FHOD3: variants seen among roughly 807,000 people sequenced by gnomAD.
FHOD3 encodes the protein formin homology 2 domain containing 3.
Under a neutral mutation model 173.0 loss-of-function variants are expected in FHOD3, and 90 were observed. That is an observed-to-expected ratio of 0.52 (90% CI 0.44 to 0.62). The LOEUF is 0.62. Ranked by LOEUF, FHOD3 falls within the 20% of genes least tolerant of loss-of-function variation. The pLI is 0.00. For synonymous variants in FHOD3, 828 were observed against 823.0 expected, an observed-to-expected ratio of 1.01 and a Z score of -0.10; for missense variants, 1,945 against 2,034.7, an observed-to-expected ratio of 0.96 and a Z score of 0.85.
chr18:36,326,923 G>A (rs549470822), intron 1 of FHOD3, among the ~76,000 whole-genome samples: 3 of 152,320 alleles, frequency 2.0e-5, no homozygotes, highest in South Asian at 2.1e-4. Flanking sequence ...TGCACTCTGC[G>A]TTTTCTCAGC....
chr18:36,452,853 T>C (rs2051944185), intron 3 of FHOD3, among the ~76,000 whole-genome samples: 1 of 152,146 alleles, frequency 6.6e-6, no homozygotes, highest in Admixed American at 6.5e-5. Context: ...TATATGTATG[T>C]ATGTATATGT....
chr18:36,664,700 C>T, intron 14 of FHOD3, among the ~76,000 whole-genome samples: 1 of 150,896 alleles, frequency 6.6e-6, no homozygotes, highest in East Asian at 2.0e-4. Flanking sequence ...GCCATGGTTT[C>T]CAGTTGTCAC....
chr18:36,544,608 C>T (rs1354775113), intron 5 of FHOD3: 2 of 152,326 alleles, frequency 1.3e-5, no homozygotes, highest in African/African-American at 4.8e-5. Context: ...GGAGAGGTCG[C>T]CACAGGCTGA....
At chr18:36,362,958 A>C (rs2046708247) in intron 2 of FHOD3, among the ~76,000 whole-genome samples, 1 of 152,254 alleles carries the variant, frequency 6.6e-6, no homozygotes, top group Admixed American at 6.5e-5. Flanking sequence ...ATAAGAAAAC[A>C]ACCTGATTAA....
At chr18:36,613,092 A>G (rs557169148) in intron 9 of FHOD3, among the ~76,000 whole-genome samples, 32 of 152,376 alleles carry the variant, frequency 2.1e-4, no homozygotes, top group African/African-American at 7.7e-4. Context: ...TCTTGAAGGG[A>G]AACATGGCCC....
intron 18 of FHOD3, among the ~76,000 whole-genome samples, chr18:36,712,546 C>A (rs959450956): frequency 6.6e-6 from 1 of 151,312 alleles, no homozygotes; most frequent in African/African-American, 2.4e-5. Flanking sequence ...AACTCAAAAA[C>A]AAATCAGTGG....
At chr18:36,376,850 C>A (rs1479673166) in intron 3 of FHOD3, among the ~76,000 whole-genome samples, 1 of 152,218 alleles carries the variant, frequency 6.6e-6, no homozygotes, top group African/African-American at 2.4e-5. Flanking sequence ...TGCAACATTT[C>A]CTCAAGAAGA....
intron 3 of FHOD3, among the ~76,000 whole-genome samples, chr18:36,467,273 G>C (rs554688702): frequency 3.3e-4 from 51 of 152,270 alleles, no homozygotes; most frequent in African/African-American, 1.2e-3. Context: ...CTGACAGACT[G>C]TCAGCCCCTC....
intron 3 of FHOD3, among the ~76,000 whole-genome samples, chr18:36,465,435 G>A (rs921452995): frequency 4.6e-5 from 7 of 152,150 alleles, no homozygotes; most frequent in Admixed American, 1.3e-4. Flanking sequence ...CTGGACTGGC[G>A]AGGGCTGAGG....
At chr18:36,607,909 T>C (rs1424402468) in intron 8 of FHOD3, among the ~76,000 whole-genome samples, 1 of 152,230 alleles carries the variant, frequency 6.6e-6, no homozygotes, top group African/African-American at 2.4e-5. Flanking sequence ...CTCTTCAGAA[T>C]TGGCTTTACC....
chr18:36,501,451 G>C (rs908205115), intron 3 of FHOD3, among the ~76,000 whole-genome samples: 2 of 152,226 alleles, frequency 1.3e-5, no homozygotes, highest in African/African-American at 4.8e-5. Flanking sequence ...GCATGGGGGT[G>C]CAGGGCCTGT....
At chr18:36,298,028 C>A (rs750542446) in intron 1 of FHOD3, 28 bp downstream of exon 1, 5 of 1,481,556 alleles carry the variant, frequency 3.4e-6, no homozygotes, top group Non-Finnish European at 3.6e-6. Flanking sequence ...GGGCTGGGCC[C>A]CCTGGACTCA....
chr18:36,658,640 G>T (rs933126809), intron 14 of FHOD3, among the ~76,000 whole-genome samples: 1 of 152,174 alleles, frequency 6.6e-6, no homozygotes, highest in African/African-American at 2.4e-5. Flanking sequence ...AATTGTATGG[G>T]TACATGGAAG....
At chr18:36,523,971 A>G (rs2056394814) in intron 5 of FHOD3, among the ~76,000 whole-genome samples, 2 of 152,126 alleles carry the variant, frequency 1.3e-5, no homozygotes, top group African/African-American at 4.8e-5. Flanking sequence ...ATGGTGAACT[A>G]TCTTTAGTCA....
intron 3 of FHOD3, among the ~76,000 whole-genome samples, chr18:36,411,206 T>G (rs1019723208): frequency 3.9e-5 from 6 of 152,222 alleles, no homozygotes; most frequent in African/African-American, 1.2e-4. Flanking sequence ...ATTTAATTTT[T>G]TTTGCATATG....
chr18:36,464,284 G>T (rs2052770925), intron 3 of FHOD3, among the ~76,000 whole-genome samples: 1 of 152,230 alleles, frequency 6.6e-6, no homozygotes, highest in Non-Finnish European at 1.5e-5. Context: ...AAGTCAGTTA[G>T]AGCAATAAAC....
In FHOD3 at chr18:36,589,236, C is replaced by T. The variant is rs1025119097; in HGVS notation, c.607-5551C>T. Reference sequence around the variant, plus strand: ...GATTATTTCAGATTTCTGTTATATACTGTGATTTAGCTGCATGCTTTAGAA... The same window carrying T: ...GATTATTTCAGATTTCTGTTATATATTGTGATTTAGCTGCATGCTTTAGAA... On this transcript the variant is annotated intron_variant, in intron 6 of 28. Coordinates refer to ENST00000590592, the MANE Select transcript of FHOD3 (RefSeq NM_001281740.3). 3.2e-4 allele frequency among the ~76,000 whole-genome samples: 48 copies of T among 152,316 alleles called. 1 individual carries two copies. Among genetic ancestry groups the T allele is most frequent in the African/African-American group, 1.1e-3 (47 of 41,568 alleles).
intron 8 of FHOD3, among the ~76,000 whole-genome samples, chr18:36,609,137 C>T (rs892356927): frequency 3.9e-5 from 6 of 152,202 alleles, no homozygotes; most frequent in Non-Finnish European, 8.8e-5. Flanking sequence ...AAGAAAAAAA[C>T]AGGAGGAGGG....
At chr18:36,721,015 C>G (rs1393207982) in intron 19 of FHOD3, among the ~76,000 whole-genome samples, 2 of 152,214 alleles carry the variant, frequency 1.3e-5, no homozygotes, top group African/African-American at 4.8e-5. Context: ...CTACCTCCCT[C>G]CTTCTCTTGG....
Sources: allele counts gnomAD v4.1 joint callset (sites outside exome capture counted in the v4.1 genomes callset), GRCh38; gene constraint gnomAD v4.1.1; transcripts MANE v1.5; gene names NCBI Gene and HGNC (gene_info 2026-07-23, HGNC 2026-07-21).